Variants in GRIN2B observed in about 807,000 individuals in gnomAD.
The protein encoded by GRIN2B is glutamate ionotropic receptor NMDA type subunit 2B.
A neutral mutation model predicts 114.5 loss-of-function variants in GRIN2B; 5 were observed. The ratio of observed to expected loss-of-function variants is 0.04; its 90% CI spans 0.02 to 0.09. The LOEUF (loss-of-function observed/expected upper bound fraction) is 0.09, where lower values mean the gene tolerates loss of function less well. Among genes scored for constraint, GRIN2B ranks in the 10% least tolerant of loss-of-function variants. The probability of loss-of-function intolerance (pLI) is 1.00; values close to 1 mark genes in which losing one functional copy is unlikely to be tolerated. For missense variants in GRIN2B, 1,108 were observed against 1,943.5 expected (o/e 0.57, Z 8.08); for synonymous variants, 787 against 745.1 (o/e 1.06, Z -0.92).
intron 4 of GRIN2B, among the ~76,000 whole-genome samples, chr12:13,691,561 G>A (rs1420049336): frequency 6.8e-6 from 1 of 147,282 alleles, no homozygotes; most frequent in Non-Finnish European, 1.5e-5. Context: ...CCCTTTTCCA[G>A]TCATTACCAG....
chr12:13,901,621 T>C (rs11055675), intron 2 of GRIN2B, among the ~76,000 whole-genome samples: 35,282 of 152,008 alleles, frequency 0.23, 4,733 homozygotes, highest in East Asian at 0.44. Context: ...GACAGTATAA[T>C]AGTAAATATG....
chr12:13,899,309 A>C (rs1866405693), intron 2 of GRIN2B, among the ~76,000 whole-genome samples: 1 of 152,120 alleles, frequency 6.6e-6, no homozygotes, highest in Non-Finnish European at 1.5e-5. Flanking sequence ...AATTGGAAAA[A>C]CAGCCCTTAA....
intron 2 of GRIN2B, among the ~76,000 whole-genome samples, chr12:13,947,568 T>A (rs1867383995): frequency 6.6e-6 from 1 of 152,160 alleles, no homozygotes; most frequent in East Asian, 1.9e-4. Flanking sequence ...CCAGTAGCAA[T>A]CCTATCCACA....
rs575023212 is a variant in GRIN2B at position 13,971,883 on chromosome 12, C to T, written c.-19+8045G>A. On this transcript the variant is annotated intron_variant, in intron 2 of 13. Coordinates refer to ENST00000609686, the MANE Select transcript of GRIN2B (RefSeq NM_000834.5). Reference sequence around the variant, plus strand: ...TGAGAGAGCTTCCCTTAATTCAAACCCCAGTTCCACCCCTTGGGTGCAAGC... The same window carrying T: ...TGAGAGAGCTTCCCTTAATTCAAACTCCAGTTCCACCCCTTGGGTGCAAGC... 3.3e-5 allele frequency among the ~76,000 whole-genome samples: 5 copies of T among 152,252 alleles called. No individual in the cohort carries two copies. The East Asian group carries it at 9.7e-4, about 29-fold the overall frequency.
rs1397967656 is a variant in GRIN2B at position 13,557,336 on chromosome 12, T to C, written c.*5447A>G. On this transcript the variant is annotated 3_prime_UTR_variant, in exon 14 of 14. Coordinates refer to ENST00000609686, the MANE Select transcript of GRIN2B (RefSeq NM_000834.5). ...GTTAAGTAGCACCTGAGGTCATAAG[T>C]GGCTCTTTTACCAGATAACAGGGCA... is the stretch of plus-strand genomic sequence containing the variant. The C allele has an allele frequency of 2.6e-5, 4 of 152,156 alleles. No homozygotes were observed. Among genetic ancestry groups the C allele is most frequent in the Non-Finnish European group, 5.9e-5 (4 of 68,028 alleles). 9.4% of individuals were successfully genotyped at this position (152,156 alleles called of 1,614,324 possible). A position where few individuals can be genotyped will look rare whatever the true frequency, so the allele number is the denominator to read the frequency against.
At chr12:13,952,016 G>C (rs996522244) in intron 2 of GRIN2B, among the ~76,000 whole-genome samples, 12 of 152,114 alleles carry the variant, frequency 7.9e-5, no homozygotes, top group African/African-American at 2.9e-4. Context: ...AAGTGGATCT[G>C]TGTATATATA....
rs1446831849 is a variant in GRIN2B, at chr12:13,593,212, G to T, written c.2010+15391C>A. Among the ~76,000 whole-genome samples, 6 of 152,094 alleles carry T rather than the reference G, an allele frequency of 3.9e-5. No individual in the cohort carries two copies. The East Asian group carries it at 9.6e-4, about 24-fold the overall frequency. The stretch of plus-strand genomic sequence containing the variant: ...AAAAAACTACTTTAAATTTCATGTG[G>T]AACCAAAAGAGCCCACATAGCCAAA... On this transcript the variant is annotated intron_variant, in intron 10 of 13. Transcript: ENST00000609686.
chr12:13,799,352 G>A (rs1864467207), intron 3 of GRIN2B, among the ~76,000 whole-genome samples: 1 of 152,146 alleles, frequency 6.6e-6, no homozygotes, highest in African/African-American at 2.4e-5. Context: ...AACTTTCCTT[G>A]TGGTTCCCTC....
chr12:13,920,235 GAA>G (rs11354278), intron 2 of GRIN2B, among the ~76,000 whole-genome samples: 4,961 of 139,282 alleles, frequency 0.036, 127 homozygotes, highest in African/African-American at 0.07. Context: ...CCTATCTCAA[GAA>G]AAAAAAAAAA....
chr12:13,921,706 T>G (rs914702747), intron 2 of GRIN2B, among the ~76,000 whole-genome samples: 2 of 152,152 alleles, frequency 1.3e-5, no homozygotes, highest in African/African-American at 4.8e-5. Context: ...GAAGTCAGAG[T>G]TTCCATATAA....
chr12:13,929,750 A>G (rs1224585602), intron 2 of GRIN2B, among the ~76,000 whole-genome samples: 1 of 152,190 alleles, frequency 6.6e-6, no homozygotes, highest in Non-Finnish European at 1.5e-5. Flanking sequence ...ACTTAGGGTA[A>G]ACTACTTCAC....
intron 3 of GRIN2B, among the ~76,000 whole-genome samples, chr12:13,827,186 A>T (rs1865054503): frequency 9.0e-6 from 1 of 110,554 alleles, no homozygotes; most frequent in Non-Finnish European, 1.9e-5. Context: ...CTTTATTGCT[A>T]GTTTTCAGCA....
rs1410406177 is a variant in GRIN2B, at chr12:13,547,106, A to G, written c.*15677T>C. 1 of 152,188 alleles carries G rather than the reference A, an allele frequency of 6.6e-6. No homozygotes were observed. The highest frequency in any genetic ancestry group is 2.4e-5 in the African/African-American group (1 of 41,436). The allele number at this position is 152,188 out of a possible 1,614,324, so 9.4% of individuals were successfully genotyped here. A position where few individuals can be genotyped will look rare whatever the true frequency, so the allele number is the denominator to read the frequency against. ...TTCTTTTAACAGTCTGATAGTTTAG[A>G]TAAGAATACAGTTTAAGGGATATAT... On this transcript the variant is annotated 3_prime_UTR_variant, in exon 14 of 14. Coordinates refer to ENST00000609686, the MANE Select transcript of GRIN2B (RefSeq NM_000834.5).
chr12:13,581,337 A>G (rs1266320607), intron 10 of GRIN2B, among the ~76,000 whole-genome samples: 2 of 152,184 alleles, frequency 1.3e-5, no homozygotes, highest in Non-Finnish European at 2.9e-5. Context: ...TTCCATCACT[A>G]AATCTTCCAT....
intron 2 of GRIN2B, among the ~76,000 whole-genome samples, chr12:13,922,471 C>G (rs1434005952): frequency 1.3e-5 from 2 of 152,088 alleles, no homozygotes; most frequent in African/African-American, 2.4e-5. Context: ...CATTTTGACT[C>G]CAGAAAAGAG....
intron 3 of GRIN2B, among the ~76,000 whole-genome samples, chr12:13,860,960 C>T (rs1317599107): frequency 6.6e-6 from 1 of 152,184 alleles, no homozygotes; most frequent in East Asian, 1.9e-4. Flanking sequence ...CTCTGTCATT[C>T]CCTATCACTA....
At chr12:13,964,774 G>A (rs1407329225) in intron 2 of GRIN2B, among the ~76,000 whole-genome samples, 2 of 152,208 alleles carry the variant, frequency 1.3e-5, no homozygotes, top group Non-Finnish European at 1.5e-5. Flanking sequence ...GCGGGTTTGG[G>A]GGTCAAGGAG....
rs372614996 is a variant in GRIN2B at position 13,973,378 on chromosome 12, G to A, written c.-19+6550C>T. On this transcript the variant is annotated intron_variant, in intron 2 of 13. Coordinates refer to ENST00000609686, the MANE Select transcript of GRIN2B (RefSeq NM_000834.5). ...TGGCGTGTAGACAGCATAGTTTGCCGTTGGTGAGTTGAGTGAGCAGTTCAG... is the reference window on the plus strand; with the variant it reads ...TGGCGTGTAGACAGCATAGTTTGCCATTGGTGAGTTGAGTGAGCAGTTCAG... 5.9e-5 allele frequency among the ~76,000 whole-genome samples: 9 copies of A among 152,194 alleles called. No individual in the cohort carries two copies. In the East Asian group the frequency reaches 1.2e-3, roughly 20 times the overall value.
Position 13,543,846 on chromosome 12 carries a change from G to T in GRIN2B, c.*18937C>A, listed in dbSNP as rs1402597406. 6.6e-6 allele frequency: 1 copy of T among 152,094 alleles called. No individual in the cohort carries two copies. The highest frequency in any genetic ancestry group is 2.4e-5 in the African/African-American group (1 of 41,400). 9.4% of individuals were successfully genotyped at this position (152,094 alleles called of 1,614,324 possible). A position where few individuals can be genotyped will look rare whatever the true frequency, so the allele number is the denominator to read the frequency against. ...CCCATTTACCAGCCCACTTGCATCTGTGCCCAAATGCACTATCTCCCTGCT... is the reference window on the plus strand; with the variant it reads ...CCCATTTACCAGCCCACTTGCATCTTTGCCCAAATGCACTATCTCCCTGCT... On this transcript the variant is annotated 3_prime_UTR_variant, in exon 14 of 14. Coordinates refer to ENST00000609686, the MANE Select transcript of GRIN2B (RefSeq NM_000834.5).
Sources: gnomAD v4.1 joint callset for allele counts (sites outside exome capture counted in the v4.1 genomes callset) on GRCh38, gnomAD v4.1.1 for gene constraint, MANE v1.5 for transcripts, NCBI Gene and HGNC (gene_info 2026-07-23, HGNC 2026-07-21) for gene names.